The following SNTG2 variants were observed in gnomAD, a reference collection of about 807,000 sequenced individuals.
SNTG2 encodes syntrophin gamma 2.
Under a neutral mutation model 70.9 loss-of-function variants are expected in SNTG2, and 74 were observed. That is an observed-to-expected ratio of 1.04 (90% confidence interval 0.86 to 1.27). SNTG2 has a LOEUF of 1.27. SNTG2 is among the 50% of genes most tolerant of loss of function. The pLI, the probability that SNTG2 is intolerant of heterozygous loss-of-function variation, is 0.00. For missense variants in SNTG2, 717 were observed against 690.7 expected (o/e 1.04, Z -0.43); for synonymous variants, 278 against 273.8 (o/e 1.02, Z -0.15).
chr2:1,234,955 C>T (rs926639257), intron 9 of SNTG2, among the ~76,000 whole-genome samples: 2 of 152,240 alleles, frequency 1.3e-5, no homozygotes, highest in East Asian at 1.9e-4. Flanking sequence ...TTGGTGCATA[C>T]GTCACCAACC....
At chr2:1,211,654 A>G (rs1369219161) in intron 9 of SNTG2, among the ~76,000 whole-genome samples, 1 of 152,196 alleles carries the variant, frequency 6.6e-6, no homozygotes, top group East Asian at 1.9e-4. Context: ...GCATGTGTGC[A>G]GGGAAACTGC....
At chr2:1,332,226 C>A (rs185058585) in intron 16 of SNTG2, among the ~76,000 whole-genome samples, 12 of 152,272 alleles carry the variant, frequency 7.9e-5, no homozygotes, top group Admixed American at 2.0e-4. Flanking sequence ...GATGAATTGG[C>A]CATTCAGAAA....
At chr2:1,185,879 A>G (rs1436823708) in intron 8 of SNTG2, among the ~76,000 whole-genome samples, 1 of 152,220 alleles carries the variant, frequency 6.6e-6, no homozygotes, top group African/African-American at 2.4e-5. Context: ...AATTTCTGCA[A>G]CTGGCTGGAA....
intron 6 of SNTG2, among the ~76,000 whole-genome samples, chr2:1,142,848 C>A (rs1444688675): frequency 6.6e-6 from 1 of 152,234 alleles, no homozygotes; most frequent in Non-Finnish European, 1.5e-5. Context: ...TACTCCCATG[C>A]ACAATCAAAA....
At chr2:1,152,055 T>A (rs1669534272) in intron 6 of SNTG2, among the ~76,000 whole-genome samples, 1 of 152,218 alleles carries the variant, frequency 6.6e-6, no homozygotes, top group African/African-American at 2.4e-5. Context: ...AATAGAATTT[T>A]GTTTTGTTTT....
At chr2:997,448 C>T (rs1337500084) in intron 1 of SNTG2, among the ~76,000 whole-genome samples, 2 of 152,162 alleles carry the variant, frequency 1.3e-5, no homozygotes, top group Non-Finnish European at 2.9e-5. Context: ...ATTTGAATTG[C>T]ATTCTGTCTG....
chr2:1,292,194 A>G (rs1422332756), intron 14 of SNTG2, among the ~76,000 whole-genome samples: 1 of 123,402 alleles, frequency 8.1e-6, no homozygotes, highest in African/African-American at 3.0e-5. Context: ...GAATCCTGCA[A>G]CTTTTTTGTG....
rs549809972 is a variant in SNTG2, at chr2:1,200,255, C to A, written c.592-8848C>A. ...TAATTTTTGACAAAGATACCAAGAA[C>A]ATACATTGGTGAAAGGATACTCTCT... On this transcript the variant is annotated intron_variant, in intron 8 of 16. Coordinates refer to ENST00000308624, the MANE Select transcript of SNTG2 (RefSeq NM_018968.4). 5.9e-5 allele frequency among the ~76,000 whole-genome samples: 9 copies of A among 151,938 alleles called. No homozygotes were observed. The East Asian group carries it at 1.7e-3, about 29-fold the overall frequency.
At chr2:1,125,480 T>C (rs1428034799) in intron 4 of SNTG2, among the ~76,000 whole-genome samples, 1 of 152,206 alleles carries the variant, frequency 6.6e-6, no homozygotes, top group Non-Finnish European at 1.5e-5. Flanking sequence ...TTTGTATCCT[T>C]AGGTTTGAAG....
chr2:1,139,345 C>T (rs1668602921), intron 6 of SNTG2, among the ~76,000 whole-genome samples: 1 of 152,186 alleles, frequency 6.6e-6, no homozygotes, highest in South Asian at 2.1e-4. Context: ...ACTCTGCCTG[C>T]CTCAGCCTCC....
chr2:1,151,794 C>A (rs979946730), intron 6 of SNTG2, among the ~76,000 whole-genome samples: 1 of 152,150 alleles, frequency 6.6e-6, no homozygotes, highest in African/African-American at 2.4e-5. Flanking sequence ...CTGCAGGGCA[C>A]CTGCTCACAT....
At chr2:1,112,687 T>C (rs62107413) in intron 4 of SNTG2, among the ~76,000 whole-genome samples, 5,183 of 150,670 alleles carry the variant, frequency 0.034, 196 homozygotes, top group South Asian at 0.19. Flanking sequence ...AGGAGAATCA[T>C]GTGTACTAAG....
At chr2:1,233,133 A>T (rs1379074636) in intron 9 of SNTG2, among the ~76,000 whole-genome samples, 1 of 152,246 alleles carries the variant, frequency 6.6e-6, no homozygotes, top group Non-Finnish European at 1.5e-5. Context: ...ACAGCTTATT[A>T]AAAAGGCGAT....
chr2:1,042,492 A>G (rs1020151533), intron 1 of SNTG2, among the ~76,000 whole-genome samples: 2 of 152,228 alleles, frequency 1.3e-5, no homozygotes, highest in African/African-American at 2.4e-5. Context: ...ATAGTACTCA[A>G]TAGGTAGTTT....
intron 4 of SNTG2, among the ~76,000 whole-genome samples, chr2:1,132,719 G>T (rs1668108261): frequency 6.6e-6 from 1 of 152,188 alleles, no homozygotes; most frequent in South Asian, 2.1e-4. Context: ...AGTGTAAGCT[G>T]TGGAAGAAGC....
intron 13 of SNTG2, among the ~76,000 whole-genome samples, chr2:1,264,177 A>G (rs764324783): frequency 3.3e-5 from 5 of 152,256 alleles, no homozygotes; most frequent in Admixed American, 1.3e-4. Flanking sequence ...ATACTAGTCT[A>G]TTTCATCATT....
At chr2:1,272,858 G>A (rs748287674) in intron 14 of SNTG2, among the ~76,000 whole-genome samples, 1 of 152,040 alleles carries the variant, frequency 6.6e-6, no homozygotes, top group Non-Finnish European at 1.5e-5. Context: ...GACATCCCAC[G>A]GAGAAGGTGC....
chr2:977,408 T>G (rs1660942975), intron 1 of SNTG2, among the ~76,000 whole-genome samples: 1 of 152,196 alleles, frequency 6.6e-6, no homozygotes, highest in African/African-American at 2.4e-5. Context: ...TTGAGTCTGC[T>G]GTGGGAAAGT....
At chr2:985,187 T>TC (rs886437485) in intron 1 of SNTG2, among the ~76,000 whole-genome samples, 1 of 151,904 alleles carries the variant, frequency 6.6e-6, no homozygotes, top group Non-Finnish European at 1.5e-5. Flanking sequence ...CAGCACGGAC[T>TC]CCCCTCCAGG....
Sources: gnomAD v4.1 joint callset for allele counts (sites outside exome capture counted in the v4.1 genomes callset) on GRCh38, gnomAD v4.1.1 for gene constraint, MANE v1.5 for transcripts, NCBI Gene and HGNC (gene_info 2026-07-23, HGNC 2026-07-21) for gene names.